The following SDHA variants were observed in gnomAD, a reference collection of about 807,000 sequenced individuals.
The protein encoded by SDHA is succinate dehydrogenase [ubiquinone] flavoprotein subunit, mitochondrial.
In SDHA, 48 loss-of-function variants were observed where a neutral mutation model predicts 78.4. The ratio of observed to expected loss-of-function variants is 0.61; its 90% CI spans 0.49 to 0.78. The LOEUF is 0.78. Among genes scored for constraint, SDHA ranks in the 30% least tolerant of loss-of-function variants. The pLI is 0.00. For missense variants in SDHA, 680 were observed against 892.7 expected (o/e 0.76, Z 3.04); for synonymous variants, 326 against 353.9 (o/e 0.92, Z 0.88).
rs908141673 is a variant in SDHA, at chr5:236,137, G to A, written c.1261-291G>A. 19 of 422,528 alleles carry A rather than the reference G, an allele frequency of 4.5e-5. 1 individual carries two copies. The highest frequency in any genetic ancestry group is 1.5e-4 in the East Asian group (3 of 19,790). The allele number at this position is 422,528 out of a possible 1,614,324, so 26.2% of individuals were successfully genotyped here. A position where few individuals can be genotyped will look rare whatever the true frequency, so the allele number is the denominator to read the frequency against. On this transcript the variant is annotated intron_variant, in intron 9 of 14. Transcript: ENST00000264932. ...CCTCCCAGGTTCAAGTGATTTTTCC[G>A]CCTCAGCCTCCCTAGTAGCTGGGAT...
Position 235,299 on chromosome 5 carries a change from A to C in SDHA, c.1220A>C (p.His407Pro). The C allele has an allele frequency of 6.2e-7, 1 of 1,614,172 alleles. No homozygotes were observed. The highest frequency in any genetic ancestry group is 8.5e-7 in the Non-Finnish European group (1 of 1,180,020). Residue 407 changes from histidine (H) to proline (P), a missense_variant, in exon 9 of 15, where the codon CAT becomes CCT. Physicochemically the swap from His to Pro is moderately conservative, Grantham distance 77. Transcript: ENST00000264932. Reference sequence around the variant, plus strand: ...CCGATCCCTGTCCTCCCCACCGTGCATTATAACATGGGCGGCATTCCCACC... The same window carrying C: ...CCGATCCCTGTCCTCCCCACCGTGCCTTATAACATGGGCGGCATTCCCACC... Reference protein sequence around the residue: ...KEPIPVLPTVHYNMGGIPTNY... With the variant: ...KEPIPVLPTVPYNMGGIPTNY...
intron 11 of SDHA, among the ~76,000 whole-genome samples, chr5:241,344 C>T (rs1028739137): frequency 4.6e-5 from 7 of 152,088 alleles, no homozygotes; most frequent in African/African-American, 1.7e-4. Context: ...CATCTCAGGC[C>T]CGGATATCGA....
chr5:246,750 T>C (rs190665508), intron 11 of SDHA, among the ~76,000 whole-genome samples: 5 of 152,358 alleles, frequency 3.3e-5, no homozygotes, highest in Admixed American at 3.3e-4. Flanking sequence ...AAGAGCAAGA[T>C]CTTGTAGAAT....
intron 5 of SDHA, 50 bp downstream of exon 5, chr5:226,097 A>C (rs377459480): frequency 1.2e-6 from 2 of 1,603,792 alleles, no homozygotes; most frequent in Non-Finnish European, 1.7e-6. Context: ...GCTGGGGCTT[A>C]TGGTGACAGT....
intron 1 of SDHA, 115 bp downstream of exon 1, chr5:218,533 C>T: frequency 1.2e-6 from 1 of 822,098 alleles, no homozygotes; most frequent in Non-Finnish European, 1.7e-6. Flanking sequence ...CGCCCTCTGT[C>T]CCGGGATCGG....
At chr5:227,768 G>T in intron 5 of SDHA, 1 of 273,810 alleles carries the variant, frequency 3.7e-6, no homozygotes, top group Non-Finnish European at 7.2e-6. Context: ...TGTAGCTGAA[G>T]AGCTGAATGT....
At chr5:224,699 T>C in intron 3 of SDHA, 178 bp downstream of exon 3, 1 of 657,752 alleles carries the variant, frequency 1.5e-6, no homozygotes, top group South Asian at 1.8e-5. Context: ...CTGGGGACTT[T>C]GAAGGGCGGG....
chr5:258,143 G>A (rs1264243127), downstream of SDHA, among the ~76,000 whole-genome samples: 2 of 78,754 alleles, frequency 2.5e-5, no homozygotes, highest in Admixed American at 1.3e-4. Context: ...CTCCGCCCCC[G>A]TTAGAGCATT....
Position 251,096 on chromosome 5 carries a change from C to T in SDHA, c.1656C>T (p.Phe552=), listed in dbSNP as rs1170030451. ...GAGACCTAAAGCACCTGAAGACGTT[C>T]GACCGGGGTGAGCAGACAGTGGGCT... is the stretch of plus-strand genomic sequence containing the variant. ...LYGDLKHLKT[F]DRGMVWNTDL... Residue 552 remains phenylalanine (F), a synonymous_variant, in exon 12 of 15, where the codon TTC becomes TTT. Transcript: ENST00000264932. The T allele has an allele frequency of 3.7e-6, 6 of 1,611,674 alleles. No individual in the cohort carries two copies. Among genetic ancestry groups the T allele is most frequent in the African/African-American group, 2.7e-5 (2 of 74,850 alleles).
rs876658486 is a variant in SDHA at position 226,041 on chromosome 5, T to A, written c.615T>A (p.Tyr205Ter). The A allele has an allele frequency of 1.9e-6, 3 of 1,614,170 alleles. No individual in the cohort carries two copies. Among genetic ancestry groups the A allele is most frequent in the Non-Finnish European group, 1.7e-6 (2 of 1,180,022 alleles). ...GCCACTCGCTATTGCACACCTTATA[T>A]GGAAGGGTAAGGCCGCCCCCGTCCA... ...RTGHSLLHTL[Y>*]GRSLRYDTSY... Residue 205 changes from tyrosine to a stop codon, truncating the protein, a stop_gained, in exon 5 of 15, where the codon TAT becomes TAA. Coordinates refer to ENST00000264932, the MANE Select transcript of SDHA (RefSeq NM_004168.4). LOFTEE classifies it high-confidence loss of function.
intron 11 of SDHA, among the ~76,000 whole-genome samples, chr5:240,686 C>T (rs775509412): frequency 5.9e-5 from 9 of 152,098 alleles, no homozygotes; most frequent in Non-Finnish European, 8.8e-5. Flanking sequence ...CCACCCCTCC[C>T]GCTTTTTGGA....
At chr5:220,919 TCTC>T (rs1445125704) in intron 1 of SDHA, among the ~76,000 whole-genome samples, 2 of 151,578 alleles carry the variant, frequency 1.3e-5, no homozygotes, top group African/African-American at 4.9e-5. Flanking sequence ...TTCACGCCAT[TCTC>T]CTGCCTCAGC....
At position 223,524 on chromosome 5, in the gene SDHA, A is replaced by G. The variant is rs750500173; in HGVS notation, c.106A>G (p.Thr36Ala). 3.7e-6 allele frequency: 6 copies of G among 1,613,846 alleles called. No individual in the cohort carries two copies. Among genetic ancestry groups the G allele is most frequent in the Non-Finnish European group, 5.1e-6 (6 of 1,179,754 alleles). The stretch of plus-strand genomic sequence containing the variant: ...AACAGGAACCCGAGGTTTTCACTTC[A>G]CTGTTGATGGGAACAAGAGGGCATC... ...LQTGTRGFHF[T>A]VDGNKRASAK... The change falls in exon 2 of 15, where the codon ACT becomes GCT. Residue 36 changes from threonine to alanine, a missense_variant. Coordinates refer to ENST00000264932, the MANE Select transcript of SDHA (RefSeq NM_004168.4).
downstream of SDHA, among the ~76,000 whole-genome samples, chr5:257,581 C>T (rs1326316069): frequency 7.7e-6 from 1 of 129,718 alleles, no homozygotes; most frequent in Non-Finnish European, 1.6e-5. Context: ...AGCTCCGCCC[C>T]TGCCAGAGCA....
At chr5:248,912 C>T (rs1736640515) in intron 11 of SDHA, 3 of 405,978 alleles carry the variant, frequency 7.4e-6, no homozygotes. Flanking sequence ...GCACCTCAAC[C>T]TCAAATGGTA....
At chr5:247,205 T>C (rs1456898604) in intron 11 of SDHA, among the ~76,000 whole-genome samples, 3 of 152,260 alleles carry the variant, frequency 2.0e-5, no homozygotes, top group Non-Finnish European at 2.9e-5. Context: ...TTAATATGCT[T>C]ATTAATGTGA....
intron 11 of SDHA, among the ~76,000 whole-genome samples, chr5:241,232 C>T (rs1414828888): frequency 1.2e-4 from 19 of 152,070 alleles, no homozygotes; most frequent in Admixed American, 7.2e-4. Context: ...TGAGTCACAG[C>T]GTGGAGGAGA....
At position 235,347 on chromosome 5, in the gene SDHA, T is replaced by A. The variant is rs1325588204; in HGVS notation, c.1260+8T>A. The stretch of plus-strand genomic sequence containing the variant: ...ACCAACTACAAGGGGCAGGTGATGG[T>A]GCTGGCTCCTCCCCCACAGCTGGAA... On this transcript the variant is annotated splice_region_variant and intron_variant, in intron 9 of 14. Transcript: ENST00000264932. 1.9e-6 allele frequency: 3 copies of A among 1,614,056 alleles called. No individual in the cohort carries two copies. The highest frequency in any genetic ancestry group is 1.7e-6 in the Non-Finnish European group (2 of 1,179,904).
rs139572537 is a variant in SDHA at position 227,470 on chromosome 5, G to A, written c.622-715G>A. 1,085 of 156,968 alleles carry A rather than the reference G, an allele frequency of 6.9e-3. 15 individuals are homozygous for A. Among genetic ancestry groups the A allele is most frequent in the African/African-American group, 0.026 (1,061 of 41,564 alleles). The allele number at this position is 156,968 out of a possible 1,614,324, so 9.7% of individuals were successfully genotyped here. The stretch of plus-strand genomic sequence containing the variant: ...AACTTTGTTGTTTTCTGATGCATGG[G>A]GACGGATCGTTAATTTGCAGGTTGT... On this transcript the variant is annotated intron_variant, in intron 5 of 14. Coordinates refer to ENST00000264932, the MANE Select transcript of SDHA (RefSeq NM_004168.4).
Sources: gnomAD v4.1 joint callset for allele counts (sites outside exome capture counted in the v4.1 genomes callset) on GRCh38, gnomAD v4.1.1 for gene constraint, MANE v1.5 for transcripts, NCBI Gene and HGNC (gene_info 2026-07-23, HGNC 2026-07-21) for gene names.